The following CAMTA1 variants were observed in gnomAD, a reference collection of about 807,000 sequenced individuals.
The protein encoded by CAMTA1 is calmodulin binding transcription activator 1, also known as calmodulin-binding transcription activator 1.
In CAMTA1, 27 loss-of-function variants were observed where a neutral mutation model predicts 170.9. The ratio of observed to expected loss-of-function variants is 0.16; its 90% confidence interval spans 0.12 to 0.22. CAMTA1 has a LOEUF of 0.22. Ranked by LOEUF, CAMTA1 falls within the 10% of genes least tolerant of loss-of-function variation. The pLI is 1.00. For missense variants in CAMTA1, 1,619 were observed against 2,217.2 expected (o/e 0.73, Z 5.42); for synonymous variants, 833 against 891.5 (o/e 0.93, Z 1.17).
At chr1:7,493,720 C>T (rs1481136052) in intron 6 of CAMTA1, among the ~76,000 whole-genome samples, 2 of 152,058 alleles carry the variant, frequency 1.3e-5, no homozygotes, top group Non-Finnish European at 2.9e-5. Context: ...GGCACCTTCT[C>T]GAGGATTCCC....
intron 18 of CAMTA1, among the ~76,000 whole-genome samples, chr1:7,746,968 G>A (rs2096861586): frequency 6.6e-6 from 1 of 152,148 alleles, no homozygotes; most frequent in African/African-American, 2.4e-5. Flanking sequence ...GCCATCCTGA[G>A]TACAATGTCT....
chr1:7,624,920 C>T (rs575058099), intron 6 of CAMTA1, among the ~76,000 whole-genome samples: 7 of 152,276 alleles, frequency 4.6e-5, no homozygotes, highest in African/African-American at 1.4e-4. Flanking sequence ...GACAGTGTGA[C>T]GTTGGATCTG....
chr1:7,586,847 G>C (rs1211178605), intron 6 of CAMTA1, among the ~76,000 whole-genome samples: 2 of 152,036 alleles, frequency 1.3e-5, no homozygotes, highest in Non-Finnish European at 2.9e-5. Flanking sequence ...GTGGAACTGA[G>C]GTGCCCCTTG....
rs986469159 is a variant in CAMTA1, at chr1:6,955,439, A to C, written c.234+130229A>C. Among the ~76,000 whole-genome samples the C allele has an allele frequency of 7.2e-5, 11 of 152,280 alleles. No individual in the cohort carries two copies. In the East Asian group the frequency reaches 2.1e-3, roughly 29 times the overall value. On this transcript the variant is annotated intron_variant, in intron 3 of 22. Transcript: ENST00000303635. Reference sequence around the variant, plus strand: ...TATAGCCAAAGGCCAGGTCCAGGAAATAGTACTTGGGGTTTGGAGTCGGGG... The same window carrying C: ...TATAGCCAAAGGCCAGGTCCAGGAACTAGTACTTGGGGTTTGGAGTCGGGG...
chr1:7,347,200 T>G (rs2149851698), intron 5 of CAMTA1, among the ~76,000 whole-genome samples: 1 of 152,332 alleles, frequency 6.6e-6, no homozygotes, highest in Admixed American at 6.5e-5. Flanking sequence ...ATCGAGGCTT[T>G]GGGCACACAT....
intron 3 of CAMTA1, among the ~76,000 whole-genome samples, chr1:6,976,564 C>T (rs184750620): frequency 2.6e-5 from 4 of 152,176 alleles, no homozygotes; most frequent in South Asian, 2.1e-4. Flanking sequence ...GCCAGGCTCT[C>T]GGGAGCAGTA....
intron 6 of CAMTA1, among the ~76,000 whole-genome samples, chr1:7,628,264 C>T (rs1162957749): frequency 1.3e-5 from 2 of 152,224 alleles, no homozygotes; most frequent in Non-Finnish European, 2.9e-5. Context: ...AGCACCCCTG[C>T]CTCCAAGTGA....
chr1:6,999,696 T>C (rs1020580667), intron 3 of CAMTA1, among the ~76,000 whole-genome samples: 2 of 152,176 alleles, frequency 1.3e-5, no homozygotes, highest in Non-Finnish European at 2.9e-5. Context: ...AGAGCGGTTG[T>C]ACTCCTTGGA....
intron 5 of CAMTA1, among the ~76,000 whole-genome samples, chr1:7,329,851 G>T (rs753429929): frequency 1.3e-5 from 2 of 152,100 alleles, no homozygotes; most frequent in African/African-American, 2.4e-5. Context: ...ACACAAAGAG[G>T]GTTTTTCCTT....
In CAMTA1 at chr1:6,826,927, CAT is replaced by C. The variant is rs557071079; in HGVS notation, c.234+1718_234+1719del. On this transcript the variant is annotated intron_variant, in intron 3 of 22. Transcript: ENST00000303635. ...TTTCAGCATAACCCTTCAACTTTCACATGTTTAATAAAACCTCTAAATTATTT... is the reference window on the plus strand; with the variant it reads ...TTTCAGCATAACCCTTCAACTTTCACGTTTAATAAAACCTCTAAATTATTT... Among the ~76,000 whole-genome samples, 13 of 152,324 alleles carry C rather than the reference CAT, an allele frequency of 8.5e-5. No homozygotes were observed. The East Asian group carries it at 1.7e-3, about 20-fold the overall frequency.
chr1:7,463,761 A>G lies in CAMTA1; in HGVS notation c.439-4069A>G, dbSNP rs1197865097. Among the ~76,000 whole-genome samples the G allele has an allele frequency of 1.3e-5, 2 of 152,170 alleles. No homozygotes were observed. Among genetic ancestry groups the G allele is most frequent in the African/African-American group, 4.8e-5 (2 of 41,448 alleles). ...GAAGGGAGGTGCCCACAACATACCA[A>G]CCTATAAGTGATGTGCTTCCTTCTT... On this transcript the variant is annotated intron_variant, in intron 5 of 22. Transcript: ENST00000303635. The surrounding 1 kb of genome is among the most constrained non-coding windows in gnomAD (Gnocchi z 4.7).
intron 2 of CAMTA1, among the ~76,000 whole-genome samples, chr1:6,821,696 A>G (rs757671210): frequency 2.0e-5 from 3 of 152,164 alleles, no homozygotes; most frequent in Non-Finnish European, 4.4e-5. Context: ...TCATTTCTAG[A>G]TTAGTTAATA....
chr1:6,814,361 A>G (rs1570358734), intron 1 of CAMTA1, among the ~76,000 whole-genome samples: 1 of 152,224 alleles, frequency 6.6e-6, no homozygotes, highest in East Asian at 1.9e-4. Flanking sequence ...AATCGTGACC[A>G]AATTCTAGCC....
At chr1:7,261,134 C>T (rs928034689) in intron 5 of CAMTA1, among the ~76,000 whole-genome samples, 4 of 152,166 alleles carry the variant, frequency 2.6e-5, no homozygotes, top group Admixed American at 2.0e-4. Context: ...ACTTTCTTCT[C>T]GATGTGAGAA....
At position 7,044,549 on chromosome 1, in the gene CAMTA1, G is replaced by A. The variant is rs1705042321; in HGVS notation, c.235-46755G>A. On this transcript the variant is annotated intron_variant, in intron 3 of 22. Coordinates refer to ENST00000303635, the MANE Select transcript of CAMTA1 (RefSeq NM_015215.4). This position sits in a 1 kb window ranked among gnomAD's most constrained non-coding sequence, Gnocchi z 5.0. ...CATCTGAGGCTAGGAAGGCACATGC[G>A]TGATTAGCAGATGGGTGATGGGGCC... Among the ~76,000 whole-genome samples, 2 of 152,222 alleles carry A rather than the reference G, an allele frequency of 1.3e-5. No homozygotes were observed. Among genetic ancestry groups the A allele is most frequent in the Admixed American group, 6.5e-5 (1 of 15,288 alleles).
rs201377612 is a variant in CAMTA1 at position 6,917,847 on chromosome 1, GGGGC to G, written c.234+92641_234+92644del. Among the ~76,000 whole-genome samples, 328 of 89,486 alleles carry G rather than the reference GGGGC, an allele frequency of 3.7e-3. 6 individuals are homozygous for G. The highest frequency in any genetic ancestry group is 6.3e-3 in the East Asian group (22 of 3,518). The allele number at this position is 89,486 out of a possible 152,430, so 58.7% of individuals were successfully genotyped here. Reference sequence around the variant, plus strand: ...GGAAGGGCAGAAGCAAAACCCATCGGGGGCGGGGGGGGACATCTACATGCCATCT... The same window carrying G: ...GGAAGGGCAGAAGCAAAACCCATCGGGGGGGGGGACATCTACATGCCATCT... On this transcript the variant is annotated intron_variant, in intron 3 of 22. Coordinates refer to ENST00000303635, the MANE Select transcript of CAMTA1 (RefSeq NM_015215.4).
At chr1:7,683,441 C>T (rs1457226120) in intron 11 of CAMTA1, among the ~76,000 whole-genome samples, 1 of 152,076 alleles carries the variant, frequency 6.6e-6, no homozygotes, top group Non-Finnish European at 1.5e-5. Flanking sequence ...TAGTGAAAGA[C>T]TGGAAGCCCC....
rs369379102 is a variant in CAMTA1, at chr1:7,387,507, G to A, written c.439-80323G>A. On this transcript the variant is annotated intron_variant, in intron 5 of 22. Transcript: ENST00000303635. ...TGCAGCTGCCCCTGCCAGCAAGCAGGGTCCCAGCTGCCCTAGACCCCAGCC... is the reference window on the plus strand; with the variant it reads ...TGCAGCTGCCCCTGCCAGCAAGCAGAGTCCCAGCTGCCCTAGACCCCAGCC... Among the ~76,000 whole-genome samples, 74 of 152,306 alleles carry A rather than the reference G, an allele frequency of 4.9e-4. No individual in the cohort carries two copies. The East Asian group carries it at 0.012, about 24-fold the overall frequency.
At chr1:7,122,960 T>C (rs975371365) in intron 4 of CAMTA1, among the ~76,000 whole-genome samples, 1 of 152,168 alleles carries the variant, frequency 6.6e-6, no homozygotes, top group African/African-American at 2.4e-5. Context: ...TGTCTGCCCA[T>C]GTCACATTCC....
Sources: allele counts gnomAD v4.1 joint callset (sites outside exome capture counted in the v4.1 genomes callset), GRCh38; gene constraint gnomAD v4.1.1; non-coding constraint Gnocchi (gnomAD v3.1); transcripts MANE v1.5; gene names NCBI Gene and HGNC (gene_info 2026-07-23, HGNC 2026-07-21).